The following AKAP13 variants were observed in gnomAD, a reference collection of about 807,000 sequenced individuals.
The protein encoded by AKAP13 is A-kinase anchoring protein 13.
In AKAP13, 80 loss-of-function variants were observed where a neutral mutation model predicts 264.5. The observed-to-expected ratio is 0.30, with a 90% CI of 0.25 to 0.36. The LOEUF is 0.36. Among genes scored for constraint, AKAP13 ranks in the 10% least tolerant of loss-of-function variants. The pLI is 1.00. For synonymous variants in AKAP13, 1,380 were observed against 1,250.2 expected (o/e 1.10, Z -2.19); for missense variants, 3,712 against 3,435.2 (o/e 1.08, Z -2.01).
intron 20 of AKAP13, among the ~76,000 whole-genome samples, chr15:85,716,505 G>C (rs2086956840): frequency 6.6e-6 from 1 of 152,160 alleles, no homozygotes; most frequent in South Asian, 2.1e-4. Flanking sequence ...TGATGTTGCT[G>C]ACTATTTTGG....
At chr15:85,706,343 AATAAAGCC>A (rs2086255892) in intron 17 of AKAP13, among the ~76,000 whole-genome samples, 1 of 152,226 alleles carries the variant, frequency 6.6e-6, no homozygotes, top group African/African-American at 2.4e-5. Flanking sequence ...CTAGAAAATA[AATAAAGCC>A]GTTTGCCTCG....
chr15:85,407,383 A>G (rs1328574275), intron 1 of AKAP13, among the ~76,000 whole-genome samples: 3 of 151,526 alleles, frequency 2.0e-5, no homozygotes, highest in African/African-American at 7.3e-5. Flanking sequence ...ATGCGCTGCC[A>G]TGCCTGGCTA....
At chr15:85,684,322 G>A (rs147087658) in intron 15 of AKAP13, 5,855 of 153,130 alleles carry the variant, frequency 0.038, 147 homozygotes, top group Non-Finnish European at 0.063. Flanking sequence ...AGCACTTTGG[G>A]AGGCTGAGGT....
chr15:85,396,290 T>C (rs1424193833), intron 1 of AKAP13, among the ~76,000 whole-genome samples: 2 of 152,206 alleles, frequency 1.3e-5, no homozygotes, highest in Non-Finnish European at 2.9e-5. Flanking sequence ...CACGTAGGGC[T>C]CTGTCACTTT....
At chr15:85,423,419 G>A (rs967396361) in intron 1 of AKAP13, among the ~76,000 whole-genome samples, 1 of 152,222 alleles carries the variant, frequency 6.6e-6, no homozygotes, top group Non-Finnish European at 1.5e-5. Flanking sequence ...TGCACCAAGA[G>A]TAGATTCCAT....
Position 85,717,994 on chromosome 15 carries a change from T to G in AKAP13, c.5849-13T>G, listed in dbSNP as rs764306547. 6.2e-7 allele frequency: 1 copy of G among 1,608,356 alleles called. No individual in the cohort carries two copies. Among genetic ancestry groups the G allele is most frequent in the South Asian group, 1.1e-5 (1 of 90,706 alleles). ...CAAACCTGATTCTGATATTGATTTT[T>G]TGATATATTGAGGAGTAGGTACAGA... On this transcript the variant is annotated splice_polypyrimidine_tract_variant and intron_variant, in intron 21 of 36. Transcript: ENST00000394518.
intron 5 of AKAP13, among the ~76,000 whole-genome samples, chr15:85,552,447 G>T (rs2077989192): frequency 1.3e-5 from 2 of 152,102 alleles, no homozygotes; most frequent in African/African-American, 4.8e-5. Flanking sequence ...ACAAGGTTTT[G>T]TTTAAATCTT....
chr15:85,689,019 G>C (rs145635614), intron 16 of AKAP13, among the ~76,000 whole-genome samples: 35 of 152,252 alleles, frequency 2.3e-4, no homozygotes, highest in African/African-American at 8.2e-4. Context: ...CTATCACACT[G>C]GTTTTCTTTT....
At chr15:85,468,714 G>A (rs796749642) in intron 1 of AKAP13, among the ~76,000 whole-genome samples, 8 of 152,186 alleles carry the variant, frequency 5.3e-5, no homozygotes, top group African/African-American at 1.9e-4. Flanking sequence ...TGGGGAATGA[G>A]TTTAGTCTTT....
rs761763495 is a variant in AKAP13, at chr15:85,717,292, T to C, written c.5738T>C (p.Val1913Ala). ...ATGTATTTTTCTTTTGTCCCCAGAG[T>C]TGGCAATGATGAGAACATGTCAAAC... ...KSVSIQNITG[V>A]GNDENMSNTW... Residue 1913 changes from valine (V) to alanine (A), a missense_variant and splice_region_variant, in exon 21 of 37, where the codon GTT (valine) becomes GCT (alanine). By Grantham distance (64) the Val-to-Ala change is moderately conservative (BLOSUM62 0). This residue lies in a region of AKAP13 where 2,759 missense variants were observed against 2,411.7 expected (regional missense o/e 1.14). Transcript: ENST00000394518. 1 of 1,602,398 alleles carries C rather than the reference T, an allele frequency of 6.2e-7. No individual in the cohort carries two copies.
intron 14 of AKAP13, among the ~76,000 whole-genome samples, chr15:85,673,677 T>C (rs1284374100): frequency 2.6e-4 from 32 of 121,236 alleles, no homozygotes; most frequent in African/African-American, 8.8e-4. Context: ...TTTTTTTTTT[T>C]TTTTTTTTTT....
At chr15:85,484,432 T>C (rs1468663450) in intron 1 of AKAP13, among the ~76,000 whole-genome samples, 5 of 152,178 alleles carry the variant, frequency 3.3e-5, no homozygotes, top group Admixed American at 6.5e-5. Context: ...AGGTCTGTTA[T>C]AGCGCATGGG....
chr15:85,439,161 A>G (rs907211730), intron 1 of AKAP13, among the ~76,000 whole-genome samples: 4 of 152,104 alleles, frequency 2.6e-5, no homozygotes, highest in African/African-American at 9.7e-5. Context: ...TGGGCGAAGG[A>G]CATGAACAGA....
intron 8 of AKAP13, among the ~76,000 whole-genome samples, chr15:85,596,852 T>A (rs1311020879): frequency 6.6e-6 from 1 of 152,210 alleles, no homozygotes; most frequent in Non-Finnish European, 1.5e-5. Flanking sequence ...ATGTGTATGT[T>A]TCTTTTACTG....
chr15:85,744,737 T>C lies in AKAP13; in HGVS notation c.*60T>C. On this transcript the variant is annotated 3_prime_UTR_variant, in exon 37 of 37. Transcript: ENST00000394518. Reference sequence around the variant, plus strand: ...ATCCTGGCCAGCCCACCTCTCCTGCTGTCCCCGCGTGCACAAGTCTCTTAC... The same window carrying C: ...ATCCTGGCCAGCCCACCTCTCCTGCCGTCCCCGCGTGCACAAGTCTCTTAC... 2 of 1,477,452 alleles carry C rather than the reference T, an allele frequency of 1.4e-6. No homozygotes were observed. The highest frequency in any genetic ancestry group is 9.1e-7 in the Non-Finnish European group (1 of 1,093,120). 91.5% of individuals were successfully genotyped at this position (1,477,452 alleles called of 1,614,324 possible). A position where few individuals can be genotyped will look rare whatever the true frequency, so the allele number is the denominator to read the frequency against.
chr15:85,584,320 C>T (rs554277098), intron 7 of AKAP13, among the ~76,000 whole-genome samples: 4 of 152,232 alleles, frequency 2.6e-5, no homozygotes, highest in Admixed American at 6.5e-5. Context: ...TGCCGACACC[C>T]GTCAAGTGTG....
At chr15:85,628,259 T>A (rs1308771072) in intron 8 of AKAP13, among the ~76,000 whole-genome samples, 1 of 152,196 alleles carries the variant, frequency 6.6e-6, no homozygotes, top group Non-Finnish European at 1.5e-5. Context: ...GTAATCAGAA[T>A]CATCTTTTTC....
chr15:85,402,588 G>A (rs577051400), intron 1 of AKAP13, among the ~76,000 whole-genome samples: 4 of 152,228 alleles, frequency 2.6e-5, no homozygotes, highest in South Asian at 2.1e-4. Flanking sequence ...TTAGCTCTCC[G>A]GGAGCTTGGG....
chr15:85,458,857 C>G (rs1054657239), intron 1 of AKAP13, among the ~76,000 whole-genome samples: 3 of 152,180 alleles, frequency 2.0e-5, no homozygotes, highest in African/African-American at 7.2e-5. Context: ...CTGGAATAGT[C>G]TCCTCCTTAA....
Sources: gnomAD v4.1 joint callset for allele counts (sites outside exome capture counted in the v4.1 genomes callset) on GRCh38, gnomAD v4.1.1 for gene constraint, gnomAD v4.1.1 regional missense constraint, MANE v1.5 for transcripts, NCBI Gene and HGNC (gene_info 2026-07-23, HGNC 2026-07-21) for gene names.